Variants in MCHR2 observed in about 807,000 individuals in gnomAD.
The protein encoded by MCHR2 is melanin-concentrating hormone receptor 2.
MCHR2 carries 15 observed loss-of-function variants against 24.8 expected under a neutral mutation model. The observed-to-expected ratio is 0.60, with a 90% CI of 0.40 to 0.93. The LOEUF is 0.93. Among genes scored for constraint, MCHR2 ranks in the 40% least tolerant of loss-of-function variants. The probability of loss-of-function intolerance (pLI) is 0.00; values close to 1 mark genes in which losing one functional copy is unlikely to be tolerated. For missense variants in MCHR2, 386 were observed against 408.7 expected (o/e 0.94, Z 0.48); for synonymous variants, 151 against 147.6 (o/e 1.02, Z -0.17).
At chr6:99,979,600 G>T (rs1002199895) in intron 1 of MCHR2, among the ~76,000 whole-genome samples, 1 of 152,120 alleles carries the variant, frequency 6.6e-6, no homozygotes, top group African/African-American at 2.4e-5. Flanking sequence ...TAAATTAAAT[G>T]TATTATTAAA....
At chr6:99,924,503 A>G (rs1321987568) in intron 5 of MCHR2, among the ~76,000 whole-genome samples, 1 of 151,684 alleles carries the variant, frequency 6.6e-6, no homozygotes, top group Admixed American at 6.6e-5. Flanking sequence ...TAGACTGTTT[A>G]TTTGACATTT....
At chr6:99,949,342 C>A (rs1454729638) in intron 2 of MCHR2, among the ~76,000 whole-genome samples, 2 of 152,070 alleles carry the variant, frequency 1.3e-5, no homozygotes, top group Non-Finnish European at 1.5e-5. Context: ...AAAGAAGGGG[C>A]CCCCTCCTCT....
rs746756008 is a variant in MCHR2, at chr6:99,956,066, T to C, written c.82A>G (p.Thr28Ala). ...KSWNKEFAYQ[T>A]ASVVDTVILP... is the part of the protein sequence containing the mutation. ...ATGACTGTATCTACCACACTGGCAG[T>C]TTGATAAGCAAACTCTTTATTCCAG... Residue 28 changes from threonine (T) to alanine (A), a missense_variant, in exon 2 of 6, where the codon ACT becomes GCT. Transcript: ENST00000281806. 9.3e-6 allele frequency: 15 copies of C among 1,613,346 alleles called. No individual in the cohort carries two copies. Among genetic ancestry groups the C allele is most frequent in the Non-Finnish European group, 1.3e-5 (15 of 1,179,632 alleles).
intron 1 of MCHR2, among the ~76,000 whole-genome samples, chr6:99,988,504 G>A (rs1775807554): frequency 6.6e-6 from 1 of 152,156 alleles, no homozygotes; most frequent in African/African-American, 2.4e-5. Context: ...TGTGTCACAT[G>A]CTCTTTGCCA....
intron 5 of MCHR2, among the ~76,000 whole-genome samples, chr6:99,924,377 T>A (rs1774306514): frequency 6.6e-6 from 1 of 152,102 alleles, no homozygotes; most frequent in Non-Finnish European, 1.5e-5. Flanking sequence ...CACTGATCTC[T>A]TCTATTGTTT....
chr6:99,965,135 G>T (rs1263028208), intron 1 of MCHR2, among the ~76,000 whole-genome samples: 1 of 152,050 alleles, frequency 6.6e-6, no homozygotes, highest in African/African-American at 2.4e-5. Flanking sequence ...TTTACGTATG[G>T]TTCTGCAGGT....
At chr6:99,991,175 G>A (rs1287505810) in intron 1 of MCHR2, among the ~76,000 whole-genome samples, 2 of 151,918 alleles carry the variant, frequency 1.3e-5, no homozygotes, top group Non-Finnish European at 2.9e-5. Context: ...GAGCAGAGCC[G>A]CCTATGGGGC....
intron 5 of MCHR2, among the ~76,000 whole-genome samples, chr6:99,926,505 T>A (rs1774362956): frequency 6.6e-6 from 1 of 152,210 alleles, no homozygotes; most frequent in Non-Finnish European, 1.5e-5. Flanking sequence ...TGTTGTTTCC[T>A]GACTTTTTAA....
chr6:99,981,186 G>T (rs554097118), intron 1 of MCHR2, among the ~76,000 whole-genome samples: 5 of 152,218 alleles, frequency 3.3e-5, no homozygotes, highest in Middle Eastern at 3.4e-3. Flanking sequence ...TAAAAGTACA[G>T]ATTGTCCTAT....
At chr6:99,987,934 A>C (rs758744076) in intron 1 of MCHR2, among the ~76,000 whole-genome samples, 139 of 152,178 alleles carry the variant, frequency 9.1e-4, no homozygotes, top group Admixed American at 1.5e-3. Flanking sequence ...AGGGTTAATC[A>C]TTTTTTCAAA....
intron 1 of MCHR2, among the ~76,000 whole-genome samples, chr6:99,992,869 G>A (rs926837111): frequency 5.3e-5 from 8 of 152,010 alleles, no homozygotes; most frequent in African/African-American, 1.9e-4. Flanking sequence ...ACAAATAATG[G>A]GTTACCAACC....
intron 1 of MCHR2, among the ~76,000 whole-genome samples, chr6:99,962,837 C>T (rs1170550708): frequency 1.3e-5 from 2 of 151,984 alleles, no homozygotes; most frequent in Non-Finnish European, 1.5e-5. Flanking sequence ...TTGCAAACCA[C>T]AATTCTGATA....
At chr6:99,974,943 C>T (rs1429491464) in intron 1 of MCHR2, among the ~76,000 whole-genome samples, 3 of 152,166 alleles carry the variant, frequency 2.0e-5, no homozygotes, top group Non-Finnish European at 4.4e-5. Flanking sequence ...AGTTTTGTCT[C>T]AGAGGAGTAC....
At chr6:99,975,128 A>T (rs1309394325) in intron 1 of MCHR2, among the ~76,000 whole-genome samples, 1 of 152,178 alleles carries the variant, frequency 6.6e-6, no homozygotes, top group East Asian at 1.9e-4. Flanking sequence ...AAGTCTGCAG[A>T]GGTTACTGCT....
At chr6:99,951,601 T>A (rs1774967207) in intron 2 of MCHR2, among the ~76,000 whole-genome samples, 1 of 152,136 alleles carries the variant, frequency 6.6e-6, no homozygotes, top group Non-Finnish European at 1.5e-5. Context: ...TCTGAACAGA[T>A]GTTGTTGCAT....
At chr6:99,979,845 C>T (rs547694796) in intron 1 of MCHR2, among the ~76,000 whole-genome samples, 6 of 152,186 alleles carry the variant, frequency 3.9e-5, no homozygotes, top group African/African-American at 4.8e-5. Flanking sequence ...AAGAATTCCA[C>T]GAGGAGGGAT....
chr6:99,958,849 TCTAA>T (rs1309658407), intron 1 of MCHR2, among the ~76,000 whole-genome samples: 15 of 152,292 alleles, frequency 9.8e-5, no homozygotes, highest in African/African-American at 3.1e-4. Context: ...TGTCCATTGT[TCTAA>T]CTTTCAAGGG....
intron 1 of MCHR2, among the ~76,000 whole-genome samples, chr6:99,970,395 T>A (rs2114566697): frequency 6.6e-6 from 1 of 152,310 alleles, no homozygotes; most frequent in South Asian, 2.1e-4. Flanking sequence ...TTGCCCACTT[T>A]TTGATGGGGT....
rs190823786 is a variant in MCHR2, at chr6:99,968,637, T to C, written c.-27-12463A>G. Among the ~76,000 whole-genome samples, 908 of 152,244 alleles carry C rather than the reference T, an allele frequency of 6.0e-3. 12 individuals carry two copies. The highest frequency in any genetic ancestry group is 0.023 in the Admixed American group (352 of 15,288). ...TTTTTTACTATCAACCAAAAGGATTTAATCAACATTTATAAAATACTCTAC... is the reference window on the plus strand; with the variant it reads ...TTTTTTACTATCAACCAAAAGGATTCAATCAACATTTATAAAATACTCTAC... On this transcript the variant is annotated intron_variant, in intron 1 of 5. Transcript: ENST00000281806.
Sources: gnomAD v4.1 joint callset for allele counts (sites outside exome capture counted in the v4.1 genomes callset) on GRCh38, gnomAD v4.1.1 for gene constraint, MANE v1.5 for transcripts, NCBI Gene and HGNC (gene_info 2026-07-23, HGNC 2026-07-21) for gene names.